TPRG1: variants seen among roughly 807,000 people sequenced by gnomAD.
TPRG1 encodes tumor protein p63 regulated 1.
A neutral mutation model predicts 29.3 loss-of-function variants in TPRG1; 29 were observed. The ratio of observed to expected loss-of-function variants is 0.99; its 90% CI spans 0.74 to 1.35. TPRG1 has a LOEUF of 1.35. Ranked by LOEUF, TPRG1 falls within the 40% of genes most tolerant of loss-of-function variation. The probability of loss-of-function intolerance (pLI) is 0.00; values close to 1 mark genes in which losing one functional copy is unlikely to be tolerated. For synonymous variants in TPRG1, 130 were observed against 116.8 expected (o/e 1.11, Z -0.73); for missense variants, 327 against 335.0 (o/e 0.98, Z 0.19).
intron 1 of TPRG1, among the ~76,000 whole-genome samples, chr3:189,184,031 A>G (rs1730592362): frequency 6.6e-6 from 1 of 152,182 alleles, no homozygotes; most frequent in Non-Finnish European, 1.5e-5. Flanking sequence ...AAATTATAAA[A>G]GTATTAATTT....
upstream of TPRG1, among the ~76,000 whole-genome samples, chr3:189,097,113 C>T (rs1014624867): frequency 6.6e-6 from 1 of 152,224 alleles, no homozygotes; most frequent in Non-Finnish European, 1.5e-5. Context: ...GGTTCACTGA[C>T]TTCTACCAGT....
At chr3:189,166,652 T>A (rs1728203739) in intron 5 of TPRG1, among the ~76,000 whole-genome samples, 1 of 152,234 alleles carries the variant, frequency 6.6e-6, no homozygotes, top group African/African-American at 2.4e-5. Flanking sequence ...AAAGCCTATC[T>A]TATTTGCATT....
upstream of TPRG1, among the ~76,000 whole-genome samples, chr3:189,170,996 T>G (rs886308474): frequency 1.3e-5 from 2 of 152,256 alleles, no homozygotes; most frequent in Admixed American, 6.5e-5. Context: ...AAGATTGAAA[T>G]TCAATCATAC....
At chr3:189,189,826 A>G (rs181680944) in intron 1 of TPRG1, among the ~76,000 whole-genome samples, 162 of 152,352 alleles carry the variant, frequency 1.1e-3, no homozygotes, top group Non-Finnish European at 2.0e-3. Flanking sequence ...AAGTATATCC[A>G]CTGATTATGC....
chr3:189,073,501 C>CT (rs1248955385), intron 4 of TPRG1, among the ~76,000 whole-genome samples: 6 of 152,176 alleles, frequency 3.9e-5, no homozygotes, highest in African/African-American at 1.2e-4. Flanking sequence ...GAATAGGTAT[C>CT]TTTTTTTCCC....
At chr3:189,214,962 A>ATTTTATATATATATATATATATATAT in intron 2 of TPRG1, among the ~76,000 whole-genome samples, 3 of 147,544 alleles carry the variant, frequency 2.0e-5, no homozygotes, top group South Asian at 2.2e-4. Flanking sequence ...GGTTTAATTT[A>ATTTTATATATATATATATATATATAT]AAAATGTACA....
chr3:189,058,503 T>C (rs1715880645), intron 4 of TPRG1, among the ~76,000 whole-genome samples: 1 of 152,186 alleles, frequency 6.6e-6, no homozygotes, highest in Admixed American at 6.5e-5. Context: ...TTTATATTTA[T>C]AACTGTGTAT....
At chr3:189,113,824 C>T (rs928440935) in intron 1 of TPRG1, among the ~76,000 whole-genome samples, 160 of 151,820 alleles carry the variant, frequency 1.1e-3, no homozygotes, top group African/African-American at 3.6e-3. Context: ...TGCTAAATGA[C>T]GAGTTAATGG....
chr3:189,020,466 T>C (rs926956547), intron 3 of TPRG1, among the ~76,000 whole-genome samples: 4 of 150,840 alleles, frequency 2.7e-5, no homozygotes, highest in Admixed American at 1.3e-4. Flanking sequence ...ACATCTTTAT[T>C]TCTGCCTTCA....
At chr3:189,011,050 C>T (rs184399163) in intron 3 of TPRG1, among the ~76,000 whole-genome samples, 1 of 152,166 alleles carries the variant, frequency 6.6e-6, no homozygotes, top group East Asian at 1.9e-4. Flanking sequence ...TTTCTGTCAG[C>T]TTTGTTGAAG....
chr3:189,042,013 T>C (rs983794918), intron 4 of TPRG1, among the ~76,000 whole-genome samples: 8 of 152,198 alleles, frequency 5.3e-5, no homozygotes, highest in Non-Finnish European at 1.0e-4. Context: ...GCTTCTGTAT[T>C]GTTAATGCCA....
chr3:189,247,557 A>G (rs1741540532), intron 4 of TPRG1, among the ~76,000 whole-genome samples: 1 of 151,864 alleles, frequency 6.6e-6, no homozygotes, highest in Non-Finnish European at 1.5e-5. Context: ...TGTGGAGACT[A>G]CTTACTCTCC....
At chr3:189,007,519 C>T (rs911816800) in intron 3 of TPRG1, among the ~76,000 whole-genome samples, 3 of 151,358 alleles carry the variant, frequency 2.0e-5, no homozygotes, top group Non-Finnish European at 3.0e-5. Context: ...ACTAGAAATA[C>T]CATTTGACCC....
At chr3:189,082,868 G>T (rs1326530864) in intron 4 of TPRG1, among the ~76,000 whole-genome samples, 1 of 152,098 alleles carries the variant, frequency 6.6e-6, no homozygotes, top group Non-Finnish European at 1.5e-5. Flanking sequence ...ACTCAAGAAC[G>T]TACATTCACA....
intron 4 of TPRG1, among the ~76,000 whole-genome samples, chr3:189,264,480 A>G (rs970542214): frequency 6.7e-6 from 1 of 149,934 alleles, no homozygotes; most frequent in African/African-American, 2.5e-5. Context: ...TTCTCCTCCT[A>G]CTCTTTTCCT....
chr3:189,199,019 T>A (rs1249445357), intron 1 of TPRG1, among the ~76,000 whole-genome samples: 1 of 152,198 alleles, frequency 6.6e-6, no homozygotes, highest in Admixed American at 6.5e-5. Flanking sequence ...ATTATTTCCT[T>A]CTTAAGTACA....
chr3:189,272,625 CTTT>C, intron 4 of TPRG1, among the ~76,000 whole-genome samples: 1 of 152,054 alleles, frequency 6.6e-6, no homozygotes, highest in South Asian at 2.1e-4. Flanking sequence ...TTCTTTCTTT[CTTT>C]ATCTTTCTCT....
chr3:189,061,437 A>G (rs113670814), intron 4 of TPRG1, among the ~76,000 whole-genome samples: 75 of 152,372 alleles, frequency 4.9e-4, no homozygotes, highest in Middle Eastern at 3.4e-3. Flanking sequence ...AAAAATTGAC[A>G]AATGAGATCT....
At chr3:189,093,491 T>C (rs1156758198) in intron 4 of TPRG1, among the ~76,000 whole-genome samples, 2 of 152,248 alleles carry the variant, frequency 1.3e-5, no homozygotes, top group African/African-American at 2.4e-5. Context: ...GTATGGATTG[T>C]TTCTGTGAGC....
Sources: allele counts gnomAD v4.1 joint callset (sites outside exome capture counted in the v4.1 genomes callset), GRCh38; gene constraint gnomAD v4.1.1; transcripts MANE v1.5; gene names NCBI Gene and HGNC (gene_info 2026-07-23, HGNC 2026-07-21).